The following BBS7 variants were observed in gnomAD, a reference collection of about 807,000 sequenced individuals.
BBS7 encodes the protein BBSome complex member BBS7.
In BBS7, 50 loss-of-function variants were observed where a neutral mutation model predicts 90.3. That is an observed-to-expected ratio of 0.55 (90% CI 0.44 to 0.70). The LOEUF (loss-of-function observed/expected upper bound fraction) is 0.70. Among genes scored for constraint, BBS7 ranks in the 30% least tolerant of loss-of-function variants. The pLI is 0.00. For synonymous variants in BBS7, 235 were observed against 287.4 expected, an observed-to-expected ratio of 0.82 and a Z score of 1.85; for missense variants, 729 against 838.9, an observed-to-expected ratio of 0.87 and a Z score of 1.62.
At chr4:121,834,649 C>T (rs1323939456) in intron 14 of BBS7, among the ~76,000 whole-genome samples, 1 of 152,108 alleles carries the variant, frequency 6.6e-6, no homozygotes, top group African/African-American at 2.4e-5. Flanking sequence ...AGTAATTGTT[C>T]ATCTCTTTCC....
Position 121,854,846 on chromosome 4 carries a change from T to A in BBS7, c.602-26A>T. The stretch of plus-strand genomic sequence containing the variant: ...CTACTTATAATTAAAGTCAACATAT[T>A]ATATTTATCCTACAATTAGTAATCT... On this transcript the variant is annotated intron_variant, in intron 6 of 18. Transcript: ENST00000264499. 3 of 1,590,936 alleles carry A rather than the reference T, an allele frequency of 1.9e-6. No individual in the cohort carries two copies. In the South Asian group the frequency reaches 3.3e-5, roughly 18 times the overall value.
intron 2 of BBS7, among the ~76,000 whole-genome samples, chr4:121,865,281 C>T (rs1727200377): frequency 6.6e-6 from 1 of 151,112 alleles, no homozygotes; most frequent in South Asian, 2.1e-4. Context: ...CCTTGTCGGC[C>T]AGGCTGGAGT....
chr4:121,863,154 A>G lies in BBS7; in HGVS notation c.165+63T>C. 4 of 1,495,010 alleles carry G rather than the reference A, an allele frequency of 2.7e-6. No homozygotes were observed. In the Admixed American group the frequency reaches 6.7e-5, roughly 25 times the overall value. 92.6% of individuals were successfully genotyped at this position (1,495,010 alleles called of 1,614,324 possible). ...TTTAGGAAATTTTTAACCTAGTATT[A>G]TTCAATAAATAGTGCATTCTCTTTT... On this transcript the variant is annotated intron_variant, in intron 3 of 18. Coordinates refer to ENST00000264499, the MANE Select transcript of BBS7 (RefSeq NM_176824.3).
At chr4:121,867,084 G>T (rs944751410) in intron 2 of BBS7, among the ~76,000 whole-genome samples, 2 of 151,606 alleles carry the variant, frequency 1.3e-5, no homozygotes, top group Non-Finnish European at 2.9e-5. Context: ...TCCATTTGTT[G>T]GTATCCTCTT....
At chr4:121,832,368 A>G (rs1725238645) in intron 15 of BBS7, among the ~76,000 whole-genome samples, 1 of 152,070 alleles carries the variant, frequency 6.6e-6, no homozygotes, top group Admixed American at 6.6e-5. Context: ...AAAAACAAAA[A>G]CAAAAAACAA....
In BBS7 at chr4:121,847,512, G is replaced by C. The variant is rs1726077247; in HGVS notation, c.935-6C>G. 1 of 1,594,184 alleles carries C rather than the reference G, an allele frequency of 6.3e-7. No individual in the cohort carries two copies. Among genetic ancestry groups the C allele is most frequent in the Non-Finnish European group, 8.6e-7 (1 of 1,162,206 alleles). On this transcript the variant is annotated splice_region_variant and splice_polypyrimidine_tract_variant and intron_variant, in intron 9 of 18. Transcript: ENST00000264499. Reference sequence around the variant, plus strand: ...TGTCAGACCTGTAACCCAGCCTGTAGAGATGAATTACAATCACGCACCACT... The same window carrying C: ...TGTCAGACCTGTAACCCAGCCTGTACAGATGAATTACAATCACGCACCACT...
At chr4:121,858,253 A>C (rs1726787413) in intron 5 of BBS7, among the ~76,000 whole-genome samples, 1 of 152,114 alleles carries the variant, frequency 6.6e-6, no homozygotes, top group Non-Finnish European at 1.5e-5. Context: ...GGTGGCATGG[A>C]CTTCACAGCT....
chr4:121,855,149 T>C (rs976322547), intron 6 of BBS7, among the ~76,000 whole-genome samples: 11 of 151,518 alleles, frequency 7.3e-5, no homozygotes, highest in African/African-American at 2.7e-4. Context: ...CCTGTCTCTA[T>C]AAAAAATACC....
At position 121,861,746 on chromosome 4, in the gene BBS7, T is replaced by C. The variant is rs189451023; in HGVS notation, c.166-67A>G. The C allele has an allele frequency of 5.2e-6, 8 of 1,545,382 alleles. No homozygotes were observed. In the African/African-American group the frequency reaches 9.6e-5, roughly 19 times the overall value. On this transcript the variant is annotated intron_variant, in intron 3 of 18. Coordinates refer to ENST00000264499, the MANE Select transcript of BBS7 (RefSeq NM_176824.3). ...ATTGTGAGCATTTTTTCCTTTACAA[T>C]AGAAAATGTTATGATGTTAAATTTG... is the stretch of plus-strand genomic sequence containing the variant.
chr4:121,850,937 A>C (rs1032074095), intron 8 of BBS7, among the ~76,000 whole-genome samples: 1 of 152,254 alleles, frequency 6.6e-6, no homozygotes, highest in African/African-American at 2.4e-5. Context: ...ACATAAAGTT[A>C]GATTTACAGG....
In BBS7 at chr4:121,825,031, A is replaced by T. The variant is rs1290090479; in HGVS notation, c.*829T>A. On this transcript the variant is annotated 3_prime_UTR_variant, in exon 19 of 19. Coordinates refer to ENST00000264499, the MANE Select transcript of BBS7 (RefSeq NM_176824.3). Reference sequence around the variant, plus strand: ...TATATGATAAAAAGAGATCTAGAAGATACTAGTGTAGGAAAATCTAAGATG... The same window carrying T: ...TATATGATAAAAAGAGATCTAGAAGTTACTAGTGTAGGAAAATCTAAGATG... 6.6e-6 allele frequency: 1 copy of T among 152,340 alleles called. No homozygotes were observed. The highest frequency in any genetic ancestry group is 2.4e-5 in the African/African-American group (1 of 41,578). The allele number at this position is 152,340 out of a possible 1,614,324, so 9.4% of individuals were successfully genotyped here.
chr4:121,857,763 G>A (rs1236905795), intron 5 of BBS7, among the ~76,000 whole-genome samples: 1 of 151,600 alleles, frequency 6.6e-6, no homozygotes, highest in Non-Finnish European at 1.5e-5. Context: ...TAGGCTATGG[G>A]GGAAATTAAT....
intron 13 of BBS7, among the ~76,000 whole-genome samples, chr4:121,835,922 A>T (rs1029260285): frequency 1.3e-5 from 2 of 152,208 alleles, no homozygotes; most frequent in African/African-American, 4.8e-5. Flanking sequence ...CCAGATGATC[A>T]CTATTACTAC....
Position 121,843,360 on chromosome 4 carries a change from A to C in BBS7, c.1305+567T>G, listed in dbSNP as rs13106399. On this transcript the variant is annotated intron_variant, in intron 12 of 18. Coordinates refer to ENST00000264499, the MANE Select transcript of BBS7 (RefSeq NM_176824.3). ...CAGAGGCAAGACTAGAGGCAGAGAAACTTATAAAGTAGTTCAAGCAAGACA... is the reference window on the plus strand; with the variant it reads ...CAGAGGCAAGACTAGAGGCAGAGAACCTTATAAAGTAGTTCAAGCAAGACA... 8.2e-3 allele frequency among the ~76,000 whole-genome samples: 1,252 copies of C among 152,252 alleles called. 14 individuals are homozygous for C. Among genetic ancestry groups the C allele is most frequent in the Non-Finnish European group, 9.6e-3 (651 of 68,020 alleles).
chr4:121,838,903 C>CAAAAAAA (rs35360596), intron 13 of BBS7, among the ~76,000 whole-genome samples: 1 of 103,742 alleles, frequency 9.6e-6, no homozygotes. Flanking sequence ...GACTCCATCT[C>CAAAAAAA]AAAAAAAAAA....
chr4:121,855,065 C>A (rs1184448266), intron 6 of BBS7, among the ~76,000 whole-genome samples: 3 of 152,102 alleles, frequency 2.0e-5, no homozygotes, highest in Non-Finnish European at 4.4e-5. Flanking sequence ...GTAATCCCAG[C>A]ACTTTGGGAG....
intron 13 of BBS7, among the ~76,000 whole-genome samples, chr4:121,837,408 T>C (rs1318454152): frequency 6.6e-6 from 1 of 152,180 alleles, no homozygotes; most frequent in Non-Finnish European, 1.5e-5. Context: ...TTTAAATAAG[T>C]AGGTACTTAA....
intron 2 of BBS7, among the ~76,000 whole-genome samples, chr4:121,866,007 A>T (rs182413269): frequency 6.6e-6 from 1 of 151,970 alleles, no homozygotes; most frequent in Admixed American, 6.6e-5. Context: ...TTTTTTGGTC[A>T]TTTGTATGTA....
intron 12 of BBS7, among the ~76,000 whole-genome samples, chr4:121,841,157 T>C (rs1280265603): frequency 1.3e-5 from 2 of 152,122 alleles, no homozygotes; most frequent in Non-Finnish European, 2.9e-5. Context: ...TGTTCTTGTA[T>C]GATTAAAAGC....
Sources: gnomAD v4.1 joint callset for allele counts (sites outside exome capture counted in the v4.1 genomes callset) on GRCh38, gnomAD v4.1.1 for gene constraint, MANE v1.5 for transcripts, NCBI Gene and HGNC (gene_info 2026-07-23, HGNC 2026-07-21) for gene names.